WWOX: variants seen among roughly 807,000 people sequenced by gnomAD.
WWOX encodes WW domain containing oxidoreductase.
WWOX carries 69 observed loss-of-function variants against 46.2 expected under a neutral mutation model. That is an observed-to-expected ratio of 1.49 (90% CI 1.23 to 1.82). The LOEUF (loss-of-function observed/expected upper bound fraction) is 1.82. Ranked by LOEUF, WWOX falls within the 40% of genes most tolerant of loss-of-function variation. The probability of loss-of-function intolerance (pLI) is 0.00; values close to 1 mark genes in which losing one functional copy is unlikely to be tolerated. For missense variants in WWOX, 919 were observed against 542.6 expected (o/e 1.69, Z -6.89); for synonymous variants, 359 against 202.6 (o/e 1.77, Z -6.56).
intron 8 of WWOX, among the ~76,000 whole-genome samples, chr16:79,200,467 C>G (rs988541089): frequency 3.3e-5 from 5 of 152,130 alleles, no homozygotes; most frequent in African/African-American, 9.7e-5. Flanking sequence ...CAGCACTGCC[C>G]CGTTGCTTGG....
intron 8 of WWOX, among the ~76,000 whole-genome samples, chr16:78,901,002 G>A (rs755909775): frequency 6.6e-6 from 1 of 152,174 alleles, no homozygotes; most frequent in Non-Finnish European, 1.5e-5. Context: ...ATATTTTGAA[G>A]TTTCCAAGAA....
chr16:78,407,172 T>C (rs2082568377), intron 6 of WWOX, among the ~76,000 whole-genome samples: 1 of 152,198 alleles, frequency 6.6e-6, no homozygotes, highest in Admixed American at 6.5e-5. Context: ...ATTATTTTTT[T>C]CCCTTTTCTG....
chr16:78,967,281 G>C (rs1283255900), intron 8 of WWOX, among the ~76,000 whole-genome samples: 1 of 137,252 alleles, frequency 7.3e-6, no homozygotes, highest in Admixed American at 8.2e-5. Flanking sequence ...CCTGCCTGCC[G>C]AGGCCTTTTT....
chr16:78,531,520 A>G (rs1053956977), intron 8 of WWOX, among the ~76,000 whole-genome samples: 1 of 152,124 alleles, frequency 6.6e-6, no homozygotes, highest in African/African-American at 2.4e-5. Flanking sequence ...TTTCTCTTAC[A>G]TGTATGAAGT....
At chr16:78,496,969 C>G (rs1032769691) in intron 8 of WWOX, among the ~76,000 whole-genome samples, 1 of 152,188 alleles carries the variant, frequency 6.6e-6, no homozygotes, top group South Asian at 2.1e-4. Flanking sequence ...ATGCTCAAAT[C>G]AAGGGAGTTA....
intron 8 of WWOX, among the ~76,000 whole-genome samples, chr16:79,199,022 C>T (rs2051295183): frequency 6.6e-6 from 1 of 152,146 alleles, no homozygotes; most frequent in South Asian, 2.1e-4. Context: ...TTGACCTAGG[C>T]AGAAAACTTT....
At chr16:79,083,299 C>T (rs544981129) in intron 8 of WWOX, among the ~76,000 whole-genome samples, 6 of 152,132 alleles carry the variant, frequency 3.9e-5, no homozygotes, top group Non-Finnish European at 7.4e-5. Flanking sequence ...ATATTAAGAG[C>T]CAGTGTGTGG....
At chr16:79,104,876 A>T (rs1222847964) in intron 8 of WWOX, among the ~76,000 whole-genome samples, 1 of 152,184 alleles carries the variant, frequency 6.6e-6, no homozygotes, top group Non-Finnish European at 1.5e-5. Flanking sequence ...ACCTCGACAG[A>T]CAGCGGCCAG....
At chr16:78,215,478 G>A (rs1031581428) in intron 5 of WWOX, among the ~76,000 whole-genome samples, 2 of 152,166 alleles carry the variant, frequency 1.3e-5, no homozygotes, top group African/African-American at 4.8e-5. Context: ...TCTCTTTCCT[G>A]CTGCTTTGCG....
intron 8 of WWOX, chr16:78,825,938 C>T: frequency 1.2e-6 from 1 of 811,550 alleles, no homozygotes. Context: ...GCCCACCACT[C>T]CCATCTCAGA....
rs190746571 is a variant in WWOX at position 78,775,462 on chromosome 16, C to G, written c.1056+342710C>G. ...TACTCCAAGAACTGAGATACCCAGA[C>G]TCATTTCTCATCTCTTGTTGAAACA... is the stretch of plus-strand genomic sequence containing the variant. On this transcript the variant is annotated intron_variant, in intron 8 of 8. Coordinates refer to ENST00000566780, the MANE Select transcript of WWOX (RefSeq NM_016373.4). 5.5e-3 allele frequency among the ~76,000 whole-genome samples: 837 copies of G among 152,252 alleles called. 2 individuals carry two copies. Among genetic ancestry groups the G allele is most frequent in the Non-Finnish European group, 7.8e-3 (532 of 68,026 alleles).
chr16:78,594,375 A>T (rs2045426960), intron 8 of WWOX, among the ~76,000 whole-genome samples: 1 of 144,972 alleles, frequency 6.9e-6, no homozygotes, highest in South Asian at 2.2e-4. Context: ...TGCTGCAGCA[A>T]AACCTGACCT....
chr16:78,702,039 ATAT>A (rs2048231219), intron 8 of WWOX, among the ~76,000 whole-genome samples: 2 of 128,520 alleles, frequency 1.6e-5, no homozygotes, highest in African/African-American at 6.7e-5. Flanking sequence ...ATATATATAT[ATAT>A]ATAAAATAAT....
At chr16:78,109,400 A>G (rs1367147354) in intron 2 of WWOX, among the ~76,000 whole-genome samples, 1 of 152,116 alleles carries the variant, frequency 6.6e-6, no homozygotes, top group African/African-American at 2.4e-5. Context: ...ATGAAAAAAA[A>G]TGGCCGTGCC....
At chr16:79,131,849 C>T (rs1390053570) in intron 8 of WWOX, among the ~76,000 whole-genome samples, 1 of 152,178 alleles carries the variant, frequency 6.6e-6, no homozygotes, top group Non-Finnish European at 1.5e-5. Flanking sequence ...GCCTTACAAT[C>T]ATGGTGGAAG....
intron 8 of WWOX, among the ~76,000 whole-genome samples, chr16:78,580,599 A>C (rs1221776984): frequency 6.6e-6 from 1 of 152,232 alleles, no homozygotes; most frequent in Non-Finnish European, 1.5e-5. Context: ...ACACTTCTCT[A>C]CATTACCTTT....
chr16:78,401,589 G>T (rs928881132), intron 6 of WWOX, among the ~76,000 whole-genome samples: 26 of 152,274 alleles, frequency 1.7e-4, no homozygotes, highest in African/African-American at 6.3e-4. Flanking sequence ...TAGGGAAAGG[G>T]TGAGGAACCC....
intron 8 of WWOX, among the ~76,000 whole-genome samples, chr16:78,443,447 A>G (rs2083490165): frequency 6.6e-6 from 1 of 152,212 alleles, no homozygotes; most frequent in Admixed American, 6.5e-5. Context: ...GGCACCAAGA[A>G]CACACCTTAG....
intron 8 of WWOX, among the ~76,000 whole-genome samples, chr16:78,680,908 T>G (rs545417503): frequency 6.6e-6 from 1 of 152,066 alleles, no homozygotes; most frequent in Admixed American, 6.5e-5. Flanking sequence ...CCTAGGAGTT[T>G]GAGACCAGCC....
Sources: gnomAD v4.1 joint callset for allele counts (sites outside exome capture counted in the v4.1 genomes callset) on GRCh38, gnomAD v4.1.1 for gene constraint, MANE v1.5 for transcripts, NCBI Gene and HGNC (gene_info 2026-07-23, HGNC 2026-07-21) for gene names.